Variants in CNTLN observed in about 807,000 individuals in gnomAD.
CNTLN encodes the protein centlein, centrosomal protein.
Under a neutral mutation model 180.0 loss-of-function variants are expected in CNTLN, and 212 were observed. The observed-to-expected ratio is 1.18, with a 90% CI of 1.05 to 1.32. The LOEUF (loss-of-function observed/expected upper bound fraction) is 1.32, where lower values mean the gene tolerates loss of function less well. Ranked by LOEUF, CNTLN falls within the 40% of genes most tolerant of loss-of-function variation. CNTLN has a pLI of 0.00. For synonymous variants in CNTLN, 722 were observed against 563.1 expected, an observed-to-expected ratio of 1.28 and a Z score of -3.99; for missense variants, 2,095 against 1,610.9, an observed-to-expected ratio of 1.30 and a Z score of -5.14.
At chr9:17,497,992 A>G (rs1402377485) in intron 25 of CNTLN, among the ~76,000 whole-genome samples, 1 of 152,172 alleles carries the variant, frequency 6.6e-6, no homozygotes, top group African/African-American at 2.4e-5. Context: ...TCATATTTTA[A>G]GAGCAGATAT....
At chr9:17,455,058 G>A (rs1831032959) in intron 18 of CNTLN, among the ~76,000 whole-genome samples, 1 of 152,176 alleles carries the variant, frequency 6.6e-6, no homozygotes. Context: ...TAGAGCACTT[G>A]TAAGCAAAAG....
chr9:17,356,936 G>A (rs1467843384), intron 12 of CNTLN, among the ~76,000 whole-genome samples: 1 of 151,596 alleles, frequency 6.6e-6, no homozygotes, highest in African/African-American at 2.4e-5. Flanking sequence ...TTACACATTT[G>A]TTTGCTGTAC....
At chr9:17,324,258 A>T (rs1305160507) in intron 8 of CNTLN, among the ~76,000 whole-genome samples, 1 of 152,170 alleles carries the variant, frequency 6.6e-6, no homozygotes, top group African/African-American at 2.4e-5. Context: ...AATTCCATGA[A>T]TTTTAGAAAT....
intron 8 of CNTLN, among the ~76,000 whole-genome samples, chr9:17,328,751 T>TTC: frequency 6.6e-6 from 1 of 152,130 alleles, no homozygotes; most frequent in Admixed American, 6.5e-5. Flanking sequence ...TTAAAACACA[T>TTC]ATTTATTTAT....
At chr9:17,508,209 AT>A (rs1168285132), downstream of CNTLN, among the ~76,000 whole-genome samples, 1 of 152,180 alleles carries the variant, frequency 6.6e-6, no homozygotes, top group East Asian at 1.9e-4. Flanking sequence ...TAGTCAAGAC[AT>A]TTTTATTTTC....
chr9:17,518,348 C>A, the CNTLN span, among the ~76,000 whole-genome samples: 2 of 152,010 alleles, frequency 1.3e-5, no homozygotes, highest in Non-Finnish European at 2.9e-5. Flanking sequence ...TGCCTGGCCT[C>A]CATAAAGTTT....
chr9:17,489,332 C>G (rs1376265262), intron 25 of CNTLN, among the ~76,000 whole-genome samples: 1 of 152,060 alleles, frequency 6.6e-6, no homozygotes, highest in African/African-American at 2.4e-5. Flanking sequence ...TGGGTATGAG[C>G]TTACATCATC....
intron 16 of CNTLN, 30 bp downstream of exon 16, chr9:17,409,503 G>A (rs1827677178): frequency 6.7e-7 from 1 of 1,495,708 alleles, no homozygotes; most frequent in Non-Finnish European, 9.0e-7. Context: ...TTAATTGTAT[G>A]CTATGTTTTA....
chr9:17,336,452 T>G (rs1341884547), intron 10 of CNTLN, among the ~76,000 whole-genome samples: 4 of 152,186 alleles, frequency 2.6e-5, no homozygotes, highest in Admixed American at 2.6e-4. Flanking sequence ...AACAATAGTC[T>G]CTAGGACTAA....
At chr9:17,255,335 C>A (rs191998293) in intron 5 of CNTLN, among the ~76,000 whole-genome samples, 1 of 151,650 alleles carries the variant, frequency 6.6e-6, no homozygotes, top group East Asian at 1.9e-4. Flanking sequence ...TTGTATTTGG[C>A]CTTTGTTATG....
intron 2 of CNTLN, among the ~76,000 whole-genome samples, chr9:17,175,931 A>T (rs1820692077): frequency 6.6e-6 from 1 of 152,100 alleles, no homozygotes. Context: ...TAATATATAG[A>T]ATAAGGATTT....
At chr9:17,493,613 G>A in intron 25 of CNTLN, among the ~76,000 whole-genome samples, 1 of 152,086 alleles carries the variant, frequency 6.6e-6, no homozygotes, top group South Asian at 2.1e-4. Flanking sequence ...ATATTAGCAA[G>A]AACATTTTTC....
At chr9:17,225,422 T>C (rs561376340) in intron 2 of CNTLN, among the ~76,000 whole-genome samples, 13 of 152,192 alleles carry the variant, frequency 8.5e-5, no homozygotes, top group Admixed American at 2.0e-4. Flanking sequence ...CTCACAGATA[T>C]AGATTTGTCT....
intron 5 of CNTLN, among the ~76,000 whole-genome samples, chr9:17,261,100 T>C (rs187222430): frequency 7.9e-5 from 12 of 151,676 alleles, no homozygotes; most frequent in African/African-American, 1.5e-4. Flanking sequence ...TAGTTTGAGG[T>C]TGGATAATGT....
chr9:17,462,470 C>A (rs1190345335), intron 19 of CNTLN, among the ~76,000 whole-genome samples: 9 of 151,776 alleles, frequency 5.9e-5, no homozygotes, highest in Non-Finnish European at 1.0e-4. Context: ...AAGTCACAAG[C>A]CAGACTACGT....
At chr9:17,291,602 A>T (rs1446155451) in intron 6 of CNTLN, among the ~76,000 whole-genome samples, 1 of 151,984 alleles carries the variant, frequency 6.6e-6, no homozygotes, top group Non-Finnish European at 1.5e-5. Flanking sequence ...TTTAAAGTCT[A>T]TTTTGTCAGA....
intron 18 of CNTLN, among the ~76,000 whole-genome samples, chr9:17,427,045 T>C (rs1219762232): frequency 6.6e-6 from 1 of 152,142 alleles, no homozygotes; most frequent in Non-Finnish European, 1.5e-5. Flanking sequence ...CTTTCTATCC[T>C]AGCAATATTT....
intron 15 of CNTLN, among the ~76,000 whole-genome samples, chr9:17,396,970 C>G (rs1826576601): frequency 1.3e-5 from 2 of 152,160 alleles, no homozygotes; most frequent in Admixed American, 6.6e-5. Context: ...AAACTTACTT[C>G]CCACCCACTA....
intron 2 of CNTLN, among the ~76,000 whole-genome samples, chr9:17,162,302 G>C (rs1469606238): frequency 6.6e-6 from 1 of 152,052 alleles, no homozygotes; most frequent in African/African-American, 2.4e-5. Context: ...TTTTAGTAGA[G>C]ACAGGGTCTC....
Sources: allele counts gnomAD v4.1 joint callset (sites outside exome capture counted in the v4.1 genomes callset), GRCh38; gene constraint gnomAD v4.1.1; transcripts MANE v1.5; gene names NCBI Gene and HGNC (gene_info 2026-07-23, HGNC 2026-07-21).